Variants in SLC6A16 observed in about 807,000 individuals in gnomAD.
The protein encoded by SLC6A16 is solute carrier family 6 member 16, also known as orphan sodium- and chloride-dependent neurotransmitter transporter NTT5.
SLC6A16 carries 54 observed loss-of-function variants against 65.4 expected under a neutral mutation model. The observed-to-expected ratio is 0.83, with a 90% CI of 0.66 to 1.04. SLC6A16 has a LOEUF of 1.04. Among genes scored for constraint, SLC6A16 ranks in the 50% least tolerant of loss-of-function variants. The probability of loss-of-function intolerance (pLI) is 0.00; values close to 1 mark genes in which losing one functional copy is unlikely to be tolerated. For synonymous variants in SLC6A16, 330 were observed against 346.5 expected (o/e 0.95, Z 0.53); for missense variants, 816 against 914.0 (o/e 0.89, Z 1.38).
intron 7 of SLC6A16, among the ~76,000 whole-genome samples, chr19:49,301,200 C>T (rs1303255448): frequency 6.6e-6 from 1 of 152,162 alleles, no homozygotes; most frequent in Non-Finnish European, 1.5e-5. Context: ...ATCACCCCAT[C>T]CCCCGAGCCA....
At chr19:49,318,851 C>T (rs924548629) in intron 1 of SLC6A16, among the ~76,000 whole-genome samples, 2 of 151,024 alleles carry the variant, frequency 1.3e-5, no homozygotes, top group African/African-American at 4.9e-5. Context: ...TACAGGTGTG[C>T]ACCACCACAA....
At chr19:49,337,995 C>T in the SLC6A16 span, 1 of 1,614,032 alleles carries the variant, frequency 6.2e-7, no homozygotes, top group Non-Finnish European at 8.5e-7. Flanking sequence ...GAGGAGACCG[C>T]GGCCGAGGAG....
At chr19:49,329,735 C>T (rs1381594723), upstream of SLC6A16, among the ~76,000 whole-genome samples, 2 of 150,882 alleles carry the variant, frequency 1.3e-5, no homozygotes, top group Non-Finnish European at 3.0e-5. Flanking sequence ...CAGGTTCACA[C>T]CATTCTCCTG....
intron 8 of SLC6A16, 123 bp downstream of exon 8, chr19:49,294,244 C>T (rs1485961750): frequency 1.7e-5 from 17 of 1,017,450 alleles, no homozygotes; most frequent in Non-Finnish European, 2.5e-5. Flanking sequence ...CTTTGTATTA[C>T]TGAGAGCCAC....
At chr19:49,294,188 A>G (rs1970138372) in intron 8 of SLC6A16, among the ~76,000 whole-genome samples, 160 bp from the exon 9 acceptor site, 1 of 152,224 alleles carries the variant, frequency 6.6e-6, no homozygotes, top group Non-Finnish European at 1.5e-5. Flanking sequence ...TGGAAAATCA[A>G]TCCACCTAGC....
chr19:49,319,369 CTCT>C (rs1386144791), intron 1 of SLC6A16, among the ~76,000 whole-genome samples: 1 of 151,626 alleles, frequency 6.6e-6, no homozygotes, highest in East Asian at 1.9e-4. Flanking sequence ...TGACCAAGTA[CTCT>C]TCTTTACTCC....
chr19:49,312,656 C>G (rs748676827), intron 1 of SLC6A16: 1 of 807,956 alleles, frequency 1.2e-6, no homozygotes, highest in Non-Finnish European at 1.5e-6. Flanking sequence ...AGAGGGGAAA[C>G]TGGAGTTTTC....
At chr19:49,304,485 G>A (rs1292567084) in intron 7 of SLC6A16, among the ~76,000 whole-genome samples, 1 of 152,108 alleles carries the variant, frequency 6.6e-6, no homozygotes, top group African/African-American at 2.4e-5. Flanking sequence ...ACCTTTGTTG[G>A]CTGGGCGTGG....
chr19:49,313,893 G>A (rs888197214), intron 1 of SLC6A16, among the ~76,000 whole-genome samples: 2 of 152,030 alleles, frequency 1.3e-5, no homozygotes, highest in South Asian at 4.1e-4. Flanking sequence ...TCAGGAGATC[G>A]AGACCATCCT....
rs760598577 is a variant in SLC6A16 at position 49,309,050 on chromosome 19, A to G, written c.1055T>C (p.Ile352Thr). 6.2e-7 allele frequency: 1 copy of G among 1,614,104 alleles called. No individual in the cohort carries two copies. The highest frequency in any genetic ancestry group is 2.2e-5 in the East Asian group (1 of 44,894). Residue 352 changes from isoleucine to threonine, a missense_variant, in exon 7 of 12, where the codon ATA (isoleucine) becomes ACA (threonine). By Grantham distance (89) the Ile-to-Thr change is moderately conservative (BLOSUM62 -1). Coordinates refer to ENST00000335875, the MANE Select transcript of SLC6A16 (RefSeq NM_014037.3). Reference sequence around the variant, plus strand: ...TAAGGAGGCAACGGAGCCAAGGCCTATGCCTGTGTTAGACAAAACTTGACC... The same window carrying G: ...TAAGGAGGCAACGGAGCCAAGGCCTGTGCCTGTGTTAGACAAAACTTGACC... ...AGGQVLSNTGIGLGSVASLAS... is the reference protein window; with the variant it reads ...AGGQVLSNTGTGLGSVASLAS...
intron 1 of SLC6A16, among the ~76,000 whole-genome samples, chr19:49,316,600 G>C (rs1970615658): frequency 6.6e-6 from 1 of 152,062 alleles, no homozygotes; most frequent in South Asian, 2.1e-4. Context: ...AAACTGAAGG[G>C]ACCAGGGCAG....
At chr19:49,311,909 C>T (rs1970530829) in intron 1 of SLC6A16, among the ~76,000 whole-genome samples, 1 of 149,984 alleles carries the variant, frequency 6.7e-6, no homozygotes, top group Non-Finnish European at 1.5e-5. Flanking sequence ...TAGAGACAGA[C>T]ATACCCAAGA....
chr19:49,295,889 T>C (rs1970176465), intron 7 of SLC6A16, among the ~76,000 whole-genome samples: 1 of 152,222 alleles, frequency 6.6e-6, no homozygotes, highest in African/African-American at 2.4e-5. Context: ...AGAAGCTTGC[T>C]CCTGGCCCTT....
At chr19:49,336,074 G>A in the SLC6A16 span, 4 of 490,754 alleles carry the variant, frequency 8.2e-6, no homozygotes, top group African/African-American at 7.7e-5. Context: ...GGTTCAGAGA[G>A]GGGAAGCCCC....
At position 49,322,880 on chromosome 19, in the gene SLC6A16, C is replaced by T. The variant is rs1215886413; in HGVS notation, c.-65+2168G>A. Among the ~76,000 whole-genome samples, 42 of 100,070 alleles carry T rather than the reference C, an allele frequency of 4.2e-4. No individual in the cohort carries two copies. The Admixed American group carries it at 6.7e-3, about 16-fold the overall frequency. The allele number at this position is 100,070 out of a possible 152,430, so 65.6% of individuals were successfully genotyped here. A position where few individuals can be genotyped will look rare whatever the true frequency, so the allele number is the denominator to read the frequency against. On this transcript the variant is annotated intron_variant, in intron 1 of 11. Coordinates refer to ENST00000335875, the MANE Select transcript of SLC6A16 (RefSeq NM_014037.3). ...TTTTTTTTGCAGAAATAGAAAAACA[C>T]GTCCTAAAACTAACATGAAATCTCA...
Position 49,311,282 on chromosome 19 carries a change from A to C in SLC6A16, c.66T>G (p.Ile22Met), listed in dbSNP as rs201901598. 535 of 1,612,952 alleles carry C rather than the reference A, an allele frequency of 3.3e-4. No homozygotes were observed. The highest frequency in any genetic ancestry group is 4.4e-4 in the Non-Finnish European group (519 of 1,179,466). Residue 22 changes from isoleucine to methionine, a missense_variant, in exon 2 of 12, where the codon ATT (isoleucine) becomes ATG (methionine). Physicochemically the swap from Ile to Met is conservative, Grantham distance 10. Coordinates refer to ENST00000335875, the MANE Select transcript of SLC6A16 (RefSeq NM_014037.3). Reference protein sequence around the residue: ...LANTSWTGTVISDSVPGSQTW... With the variant: ...LANTSWTGTVMSDSVPGSQTW... ...TTTGACTTCCTGGGACACTGTCAGA[A>C]ATCACTGTGCCAGTCCATGAGGTGT...
chr19:49,294,682 G>T, intron 7 of SLC6A16, 129 bp from the exon 8 acceptor site: 1 of 868,076 alleles, frequency 1.2e-6, no homozygotes, highest in East Asian at 2.6e-5. Flanking sequence ...GATAGAGCCT[G>T]GGATGAATCC....
rs35860981 is a variant in SLC6A16, at chr19:49,311,024, G to A, written c.324C>T (p.Ser108=). 1.2e-6 allele frequency: 2 copies of A among 1,614,170 alleles called. No individual in the cohort carries two copies. Among genetic ancestry groups the A allele is most frequent in the South Asian group, 1.1e-5 (1 of 91,084 alleles). Residue 108 remains serine (S), a synonymous_variant, in exon 2 of 12, where the codon AGC becomes AGT. Coordinates refer to ENST00000335875, the MANE Select transcript of SLC6A16 (RefSeq NM_014037.3). ...CCTGAGCCAGAATATACTCAGTTTT[G>A]CTGGACCAGAACGGACGGGCAAGGA... is the stretch of plus-strand genomic sequence containing the variant. ...EVLLARPFWS[S]KTEYILAQVG... is the part of the protein sequence containing the mutation.
intron 1 of SLC6A16, among the ~76,000 whole-genome samples, chr19:49,323,388 T>C (rs1970746605): frequency 6.6e-6 from 1 of 152,156 alleles, no homozygotes; most frequent in East Asian, 1.9e-4. Context: ...TTTAAATTTG[T>C]GCATCAAGAG....
Sources: allele counts gnomAD v4.1 joint callset (sites outside exome capture counted in the v4.1 genomes callset), GRCh38; gene constraint gnomAD v4.1.1; transcripts MANE v1.5; gene names NCBI Gene and HGNC (gene_info 2026-07-23, HGNC 2026-07-21).